SPACDR: variants seen among roughly 807,000 people sequenced by gnomAD.
SPACDR encodes uncharacterized protein C7orf61.
At chr7:100,458,763 T>C in the SPACDR span, among the ~76,000 whole-genome samples, 1 of 152,058 alleles carries the variant, frequency 6.6e-6, no homozygotes, top group African/African-American at 2.4e-5. Flanking sequence ...CCATCTCTAC[T>C]AAAAATACAA....
chr7:100,456,994 G>C, the SPACDR span: 7 of 1,602,380 alleles, frequency 4.4e-6, no homozygotes, highest in Non-Finnish European at 4.3e-6. Flanking sequence ...GACTGTAAGA[G>C]AAAGAGAAGA....
At chr7:100,458,547 A>G in the SPACDR span, among the ~76,000 whole-genome samples, 19 of 152,214 alleles carry the variant, frequency 1.2e-4, no homozygotes, top group Middle Eastern at 3.4e-3. Context: ...CCATTTCTAG[A>G]CTTTTGTTAT....
the SPACDR span, among the ~76,000 whole-genome samples, chr7:100,463,168 C>T: frequency 4.3e-4 from 66 of 151,754 alleles, no homozygotes; most frequent in African/African-American, 1.6e-3. Context: ...GAGACAGGGT[C>T]TTGCTATGTT....
the SPACDR span, chr7:100,456,686 G>A: frequency 9.1e-6 from 9 of 993,920 alleles, no homozygotes; most frequent in Non-Finnish European, 1.3e-5. Flanking sequence ...TACATGGAAT[G>A]AAGGGGCTGA....
chr7:100,456,741 T>C, the SPACDR span: 1 of 1,578,134 alleles, frequency 6.3e-7, no homozygotes, highest in Non-Finnish European at 8.6e-7. Flanking sequence ...TCTAAGGGTC[T>C]GGGGTTCCCC....
chr7:100,462,901 G>C, the SPACDR span, among the ~76,000 whole-genome samples: 4 of 149,180 alleles, frequency 2.7e-5, no homozygotes, highest in African/African-American at 7.3e-5. Context: ...CTTGAGGCCA[G>C]GAGTTCGAGA....
chr7:100,460,651 T>A, the SPACDR span, among the ~76,000 whole-genome samples: 20 of 150,988 alleles, frequency 1.3e-4, no homozygotes, highest in East Asian at 3.9e-3. Flanking sequence ...TGCTGTGCTA[T>A]CTATTTTCCT....
chr7:100,457,801 A>ATGTGTGTGTGTGTGTGTGTGTGTG, the SPACDR span, among the ~76,000 whole-genome samples: 22 of 74,366 alleles, frequency 3.0e-4, 1 homozygote, highest in East Asian at 5.5e-4. Context: ...TTATATATAT[A>ATGTGTGTGTGTGTGTGTGTGTGTG]TATGTGTGTG....
At chr7:100,462,178 G>A in the SPACDR span, among the ~76,000 whole-genome samples, 1 of 152,030 alleles carries the variant, frequency 6.6e-6, no homozygotes, top group Non-Finnish European at 1.5e-5. Context: ...TTTAGTACAT[G>A]GCATTTGGTG....
At chr7:100,460,627 C>T in the SPACDR span, among the ~76,000 whole-genome samples, 1 of 150,808 alleles carries the variant, frequency 6.6e-6, no homozygotes, top group Non-Finnish European at 1.5e-5. Context: ...AATGACCATC[C>T]TGTTTTCCAG....
the SPACDR span, among the ~76,000 whole-genome samples, chr7:100,460,745 G>A: frequency 6.6e-6 from 1 of 151,792 alleles, no homozygotes; most frequent in Non-Finnish European, 1.5e-5. Flanking sequence ...TGACCTCCCA[G>A]TGGTCCTCTC....
chr7:100,456,644 C>G, the SPACDR span: 2 of 778,186 alleles, frequency 2.6e-6, no homozygotes, highest in Admixed American at 2.9e-5. Flanking sequence ...TATTTATTTC[C>G]CAATATTTTG....
At chr7:100,460,722 C>A in the SPACDR span, among the ~76,000 whole-genome samples, 3 of 150,520 alleles carry the variant, frequency 2.0e-5, no homozygotes, top group Non-Finnish European at 4.4e-5. Flanking sequence ...ACAAATATAG[C>A]TCACTGTGGC....
At chr7:100,461,856 G>A in the SPACDR span, among the ~76,000 whole-genome samples, 1 of 151,730 alleles carries the variant, frequency 6.6e-6, no homozygotes, top group Non-Finnish European at 1.5e-5. Flanking sequence ...AGCTGGGCGT[G>A]GTGGCGGGTG....
At chr7:100,456,806 G>A in the SPACDR span, 3 of 1,613,330 alleles carry the variant, frequency 1.9e-6, no homozygotes, top group South Asian at 1.1e-5. Flanking sequence ...TGGGTCGGGG[G>A]GCAGCATGGC....
chr7:100,456,942 T>G, the SPACDR span: 1 of 1,613,436 alleles, frequency 6.2e-7, no homozygotes, highest in Non-Finnish European at 8.5e-7. Context: ...CAAAGGTGAC[T>G]GCGTCCTCAC....
chr7:100,459,730 C>CT, the SPACDR span, among the ~76,000 whole-genome samples: 1 of 152,278 alleles, frequency 6.6e-6, no homozygotes, highest in African/African-American at 2.4e-5. Context: ...TTTCAAAGTG[C>CT]TAGGATCACA....
At chr7:100,464,121 A>G in the SPACDR span, 1 of 1,543,244 alleles carries the variant, frequency 6.5e-7, no homozygotes, top group Non-Finnish European at 8.7e-7. Flanking sequence ...TGGGCCGGTG[A>G]CCACCTCTTG....
the SPACDR span, among the ~76,000 whole-genome samples, chr7:100,462,738 C>T: frequency 1.4e-3 from 212 of 150,710 alleles, 6 homozygotes; most frequent in Admixed American, 0.013. Flanking sequence ...GCCTTGAACT[C>T]CTGGCCTCAA....
Sources: gnomAD v4.1 joint callset for allele counts (sites outside exome capture counted in the v4.1 genomes callset) on GRCh38, gnomAD v4.1.1 for gene constraint, MANE v1.5 for transcripts, NCBI Gene and HGNC (gene_info 2026-07-23, HGNC 2026-07-21) for gene names.